Variants in C11orf16 observed in about 807,000 individuals in gnomAD.
The protein encoded by C11orf16 is chromosome 11 open reading frame 16, also known as uncharacterized protein C11orf16.
A neutral mutation model predicts 45.1 loss-of-function variants in C11orf16; 38 were observed. The ratio of observed to expected loss-of-function variants is 0.84; its 90% CI spans 0.65 to 1.10. The LOEUF is 1.10. Among genes scored for constraint, C11orf16 ranks in the 50% least tolerant of loss-of-function variants. C11orf16 has a pLI of 0.00. For synonymous variants in C11orf16, 221 were observed against 222.0 expected, an observed-to-expected ratio of 1.00 and a Z score of 0.04; for missense variants, 583 against 569.5, an observed-to-expected ratio of 1.02 and a Z score of -0.24.
intron 3 of C11orf16, chr11:8,929,174 A>G (rs1589934993): frequency 3.7e-6 from 2 of 538,380 alleles, no homozygotes; most frequent in African/African-American, 3.8e-5. Context: ...GGTTTAAGCC[A>G]CTCCGTTTGT....
Position 8,925,781 on chromosome 11 carries a change from T to TTAGA in C11orf16, c.882_885dup (p.Thr296SerfsTer28). The TTAGA allele has an allele frequency of 6.2e-7, 1 of 1,614,210 alleles. No homozygotes were observed. Among genetic ancestry groups the TTAGA allele is most frequent in the Non-Finnish European group, 8.5e-7 (1 of 1,180,038 alleles). ...CTGGCCATGACTTCTGAGGTCCTGG[T>TTAGA]TAGAGGCCACCAAGTCGTGCCACAT... On this transcript the variant is annotated frameshift_variant, in exon 5 of 7. Coordinates refer to ENST00000326053, the MANE Select transcript of C11orf16 (RefSeq NM_020643.3). LOFTEE classifies it high-confidence loss of function.
chr11:8,922,257 C>T (rs1266451707), intron 5 of C11orf16, among the ~76,000 whole-genome samples: 1 of 151,970 alleles, frequency 6.6e-6, no homozygotes, highest in African/African-American at 2.4e-5. Flanking sequence ...CCTGTAGTCC[C>T]GACTATTTGG....
chr11:8,929,266 C>T lies in C11orf16; in HGVS notation c.324+111G>A, dbSNP rs138408870. On this transcript the variant is annotated intron_variant, in intron 3 of 6. Coordinates refer to ENST00000326053, the MANE Select transcript of C11orf16 (RefSeq NM_020643.3). The stretch of plus-strand genomic sequence containing the variant: ...CTTCTACAACATGGCCATGGGAGAG[C>T]TGTGCTTATGCAAGAAACCAGCCTG... 832 of 1,132,716 alleles carry T rather than the reference C, an allele frequency of 7.3e-4. 4 individuals are homozygous for T. The African/African-American group carries it at 0.011, about 15-fold the overall frequency. 70.2% of individuals were successfully genotyped at this position (1,132,716 alleles called of 1,614,324 possible).
At position 8,932,526 on chromosome 11, in the gene C11orf16, G is replaced by A. The variant is rs532275105; in HGVS notation, c.-18-200C>T. Among the ~76,000 whole-genome samples, 8 of 152,172 alleles carry A rather than the reference G, an allele frequency of 5.3e-5. No individual in the cohort carries two copies. In the South Asian group the frequency reaches 1.0e-3, roughly 20 times the overall value. The stretch of plus-strand genomic sequence containing the variant: ...AACCTCCACTCAGGAAACAGGGAAG[G>A]GATTGGAAGAGCAAGTGCTGTGAGT... On this transcript the variant is annotated intron_variant, in intron 1 of 6. Transcript: ENST00000326053.
intron 2 of C11orf16, 146 bp downstream of exon 2, chr11:8,931,996 G>T: frequency 1.2e-6 from 1 of 865,326 alleles, no homozygotes; most frequent in Non-Finnish European, 1.7e-6. Context: ...ACCCCACACA[G>T]ATATGCCAAT....
At chr11:8,927,686 G>T in intron 3 of C11orf16, 1 of 456,378 alleles carries the variant, frequency 2.2e-6, no homozygotes, top group Non-Finnish European at 4.4e-6. Context: ...CACTGCCCTT[G>T]CAGTCAACGA....
chr11:8,925,964 T>G lies in C11orf16; in HGVS notation c.703A>C (p.Arg235=), dbSNP rs2064608906. ...CAGCAAGGGGCCCAGTGAAGGGGCCTGGGGTGCTCCCTGGTGAAAGACTTG... is the reference window on the plus strand; with the variant it reads ...CAGCAAGGGGCCCAGTGAAGGGGCCGGGGGTGCTCCCTGGTGAAAGACTTG... ...LHKSFTREHP[R]PLHWAPCCSL... The change falls in exon 5 of 7, where the codon AGG becomes CGG. Residue 235 remains arginine (R), a synonymous_variant. Coordinates refer to ENST00000326053, the MANE Select transcript of C11orf16 (RefSeq NM_020643.3). The G allele has an allele frequency of 6.2e-7, 1 of 1,614,118 alleles. No homozygotes were observed. The highest frequency in any genetic ancestry group is 8.5e-7 in the Non-Finnish European group (1 of 1,180,018).
rs750826585 is a variant in C11orf16 at position 8,932,295 on chromosome 11, G to A, written c.14C>T (p.Thr5Met). 30 of 1,604,988 alleles carry A rather than the reference G, an allele frequency of 1.9e-5. No individual in the cohort carries two copies. The highest frequency in any genetic ancestry group is 8.5e-5 in the Admixed American group (5 of 58,642). Residue 5 changes from threonine to methionine, a missense_variant, in exon 2 of 7, where the codon ACG (threonine) becomes ATG (methionine). Thr to Met is a moderately conservative substitution (Grantham distance 81). Transcript: ENST00000326053. MESS[T>M]GPRMPLLKYC... The stretch of plus-strand genomic sequence containing the variant: ...TTTGAGCAAAGGCATCCTGGGCCCC[G>A]TGGAGGATTCCATGGCCTTCAGAGG...
At chr11:8,924,605 A>T (rs1356261310) in intron 5 of C11orf16, among the ~76,000 whole-genome samples, 1 of 152,132 alleles carries the variant, frequency 6.6e-6, no homozygotes, top group Non-Finnish European at 1.5e-5. Context: ...TGTCCTAGAA[A>T]TAGGGCTATG....
chr11:8,925,521 G>C lies in C11orf16; in HGVS notation c.1146C>G (p.Cys382Trp). The C allele has an allele frequency of 6.2e-7, 1 of 1,614,208 alleles. No individual in the cohort carries two copies. ...TCTTCCAATACCTCCACTCAGGCTG[G>C]CAGAGGCCACTCTGTCTCAGAGGCA... ...LEMPLRQSGL[C>W]QPEWRYWKRN... The change falls in exon 5 of 7, where the codon TGC becomes TGG. Residue 382 changes from cysteine to tryptophan, a missense_variant. Cys to Trp is a radical substitution (Grantham distance 215). Transcript: ENST00000326053.
intron 5 of C11orf16, 44 bp from the exon 6 acceptor site, chr11:8,921,559 T>C (rs771246104): frequency 1.3e-6 from 2 of 1,518,678 alleles, no homozygotes; most frequent in Admixed American, 3.3e-5. Flanking sequence ...TGCCACCATT[T>C]TGATGGCATA....
In C11orf16 at chr11:8,925,527, GCCA is replaced by G. The variant is rs768809220; in HGVS notation, c.1137_1139del (p.Gly380del). 3.0e-5 allele frequency: 49 copies of G among 1,614,202 alleles called. No individual in the cohort carries two copies. In the African/African-American group the frequency reaches 6.0e-4, roughly 20 times the overall value. On this transcript the variant is annotated inframe_deletion, in exon 5 of 7. Coordinates refer to ENST00000326053, the MANE Select transcript of C11orf16 (RefSeq NM_020643.3). ...AATACCTCCACTCAGGCTGGCAGAG[GCCA>G]CTCTGTCTCAGAGGCATCTCAAGAA...
At chr11:8,926,898 G>A in intron 4 of C11orf16, 42 bp downstream of exon 4, 5 of 1,523,170 alleles carry the variant, frequency 3.3e-6, no homozygotes, top group Non-Finnish European at 4.5e-6. Flanking sequence ...ATTACAGCCT[G>A]GCTCCTTCTG....
Position 8,921,522 on chromosome 11 carries a change from C to G in C11orf16, c.1205-7G>C, listed in dbSNP as rs754933330. The stretch of plus-strand genomic sequence containing the variant: ...ATGTTGGAATATCTTGTTCCTAAAC[C>G]CAAAAGTCAATTACTTAGGTTGAAT... On this transcript the variant is annotated splice_polypyrimidine_tract_variant and splice_region_variant and intron_variant, in intron 5 of 6. Coordinates refer to ENST00000326053, the MANE Select transcript of C11orf16 (RefSeq NM_020643.3). The G allele has an allele frequency of 5.6e-6, 9 of 1,613,782 alleles. No individual in the cohort carries two copies. Among genetic ancestry groups the G allele is most frequent in the Non-Finnish European group, 7.6e-6 (9 of 1,179,772 alleles).
At chr11:8,920,650 A>G (rs910780461) in intron 6 of C11orf16, among the ~76,000 whole-genome samples, 200 bp from the exon 7 acceptor site, 6 of 152,162 alleles carry the variant, frequency 3.9e-5, no homozygotes, top group Non-Finnish European at 1.5e-5. Flanking sequence ...GTGAGACCCT[A>G]TCTCTACAAA....
In C11orf16 at chr11:8,920,322, G is replaced by C. The variant is rs534060664; in HGVS notation, c.*151C>G. Reference sequence around the variant, plus strand: ...GCTGCTTATCTGCAGGGAGGTCTTCGTGGGGTGGAGATACTGGTGGTTATT... The same window carrying C: ...GCTGCTTATCTGCAGGGAGGTCTTCCTGGGGTGGAGATACTGGTGGTTATT... On this transcript the variant is annotated 3_prime_UTR_variant, in exon 7 of 7. Transcript: ENST00000326053. 7 of 529,326 alleles carry C rather than the reference G, an allele frequency of 1.3e-5. No homozygotes were observed. Among genetic ancestry groups the C allele is most frequent in the Non-Finnish European group, 6.7e-6 (2 of 300,138 alleles). 32.8% of individuals were successfully genotyped at this position (529,326 alleles called of 1,614,324 possible).
intron 3 of C11orf16, chr11:8,927,523 T>C: frequency 2.2e-6 from 1 of 446,482 alleles, no homozygotes; most frequent in Non-Finnish European, 4.5e-6. Flanking sequence ...CCTGGACCTT[T>C]TCTCAATGCA....
At chr11:8,931,939 A>G (rs888976554) in intron 2 of C11orf16, among the ~76,000 whole-genome samples, 2 of 152,212 alleles carry the variant, frequency 1.3e-5, no homozygotes, top group African/African-American at 4.8e-5. Flanking sequence ...CTAAAGCCAG[A>G]TCAACCCTGG....
chr11:8,924,983 G>A (rs1255321815), intron 5 of C11orf16, among the ~76,000 whole-genome samples: 77 of 152,156 alleles, frequency 5.1e-4, no homozygotes, highest in Admixed American at 5.0e-3. Flanking sequence ...CGCAGTGCCC[G>A]GGTCCTCCCC....
Sources: allele counts gnomAD v4.1 joint callset (sites outside exome capture counted in the v4.1 genomes callset), GRCh38; gene constraint gnomAD v4.1.1; transcripts MANE v1.5; gene names NCBI Gene and HGNC (gene_info 2026-07-23, HGNC 2026-07-21).